ADGB: variants seen among roughly 807,000 people sequenced by gnomAD.
ADGB encodes the protein androglobin, also known as calpain-7-like protein.
A neutral mutation model predicts 210.5 loss-of-function variants in ADGB; 172 were observed. The ratio of observed to expected loss-of-function variants is 0.82; its 90% CI spans 0.72 to 0.93. The LOEUF is 0.93. ADGB is among the 40% of genes least tolerant of loss of function. The pLI is 0.00. For missense variants in ADGB, 2,025 were observed against 1,964.8 expected (o/e 1.03, Z -0.58); for synonymous variants, 658 against 662.7 (o/e 0.99, Z 0.11).
At chr6:146,617,197 C>G (rs1020899883) in intron 1 of ADGB, among the ~76,000 whole-genome samples, 2 of 151,648 alleles carry the variant, frequency 1.3e-5, no homozygotes, top group Non-Finnish European at 2.9e-5. Flanking sequence ...ATTTTATTGT[C>G]TTTTAGCTAT....
At position 146,696,970 on chromosome 6, in the gene ADGB, G is replaced by T. The variant is rs796881931; in HGVS notation, c.1578-3971G>T. Among the ~76,000 whole-genome samples the T allele has an allele frequency of 5.3e-5, 8 of 152,212 alleles. No homozygotes were observed. In the East Asian group the frequency reaches 7.7e-4, roughly 15 times the overall value. ...ACCTACTTTAATCATTAGCACTGATGAATATTTTCGGTTATTACCAGCTAA... is the reference window on the plus strand; with the variant it reads ...ACCTACTTTAATCATTAGCACTGATTAATATTTTCGGTTATTACCAGCTAA... On this transcript the variant is annotated intron_variant, in intron 12 of 35. Transcript: ENST00000397944.
chr6:146,623,294 T>C (rs1273968535), intron 1 of ADGB, among the ~76,000 whole-genome samples: 2 of 152,008 alleles, frequency 1.3e-5, no homozygotes, highest in Non-Finnish European at 2.9e-5. Flanking sequence ...CTTAACTATA[T>C]TGAATCTTTC....
At chr6:146,807,179 C>A (rs376732452) in intron 35 of ADGB, among the ~76,000 whole-genome samples, 92 of 152,280 alleles carry the variant, frequency 6.0e-4, no homozygotes, top group African/African-American at 1.3e-3. Context: ...TTTTCTACAA[C>A]TGTTTTTATT....
At chr6:146,814,847 G>T (rs879263076) in intron 35 of ADGB, among the ~76,000 whole-genome samples, 185 bp from the exon 36 acceptor site, 2 of 152,142 alleles carry the variant, frequency 1.3e-5, no homozygotes, top group African/African-American at 2.4e-5. Context: ...AAAATCTCAT[G>T]ATTTTGTCGC....
chr6:146,709,734 A>G (rs1776633128), intron 13 of ADGB, among the ~76,000 whole-genome samples: 1 of 152,162 alleles, frequency 6.6e-6, no homozygotes, highest in African/African-American at 2.4e-5. Context: ...GGACCAAGGC[A>G]AACTCCAGTT....
At chr6:146,755,255 C>T (rs1777389138) in intron 27 of ADGB, among the ~76,000 whole-genome samples, 1 of 152,012 alleles carries the variant, frequency 6.6e-6, no homozygotes, top group East Asian at 1.9e-4. Flanking sequence ...TGCTGTGAGT[C>T]TTTCTCCTGT....
chr6:146,650,978 G>A (rs1457829865), intron 3 of ADGB, among the ~76,000 whole-genome samples: 2 of 152,238 alleles, frequency 1.3e-5, no homozygotes, highest in African/African-American at 4.8e-5. Flanking sequence ...TAGACAGCTA[G>A]AGAAACCAGA....
intron 10 of ADGB, among the ~76,000 whole-genome samples, chr6:146,687,517 C>G (rs1031062504): frequency 1.3e-5 from 2 of 152,052 alleles, no homozygotes; most frequent in African/African-American, 4.8e-5. Flanking sequence ...AGCCGCAAGC[C>G]ATTATCCTCA....
At chr6:146,699,205 C>T (rs1487726839) in intron 12 of ADGB, among the ~76,000 whole-genome samples, 2 of 152,012 alleles carry the variant, frequency 1.3e-5, no homozygotes, top group East Asian at 3.9e-4. Flanking sequence ...GTTATGGAAG[C>T]TGAGAAGACT....
chr6:146,728,530 A>G (rs529821868), intron 19 of ADGB, 44 bp from the exon 20 acceptor site: 1 of 1,527,588 alleles, frequency 6.5e-7, no homozygotes, highest in African/African-American at 1.4e-5. Context: ...ACTAGATGAC[A>G]CTTAAGGATG....
chr6:146,660,068 A>G (rs555344940), intron 5 of ADGB, among the ~76,000 whole-genome samples: 11 of 152,248 alleles, frequency 7.2e-5, no homozygotes, highest in Admixed American at 7.2e-4. Flanking sequence ...ATTTTGTGGT[A>G]CAGAAACCCC....
At chr6:146,678,934 T>A (rs893466928) in intron 9 of ADGB, among the ~76,000 whole-genome samples, 3 of 152,216 alleles carry the variant, frequency 2.0e-5, no homozygotes, top group Non-Finnish European at 4.4e-5. Context: ...CAGGAAGTTA[T>A]TTTCTAAATG....
chr6:146,767,378 AC>A (rs1777591746), intron 28 of ADGB, among the ~76,000 whole-genome samples: 1 of 152,242 alleles, frequency 6.6e-6, no homozygotes, highest in African/African-American at 2.4e-5. Context: ...ATTGCCAAAG[AC>A]ATTAATAGTA....
chr6:146,737,621 G>A (rs1177678637), intron 23 of ADGB, among the ~76,000 whole-genome samples: 2 of 152,162 alleles, frequency 1.3e-5, no homozygotes, highest in Non-Finnish European at 2.9e-5. Flanking sequence ...TTTGCCTAAA[G>A]TTTTAATTGT....
intron 4 of ADGB, among the ~76,000 whole-genome samples, chr6:146,655,414 C>A (rs533214929): frequency 6.6e-6 from 1 of 152,230 alleles, no homozygotes; most frequent in African/African-American, 2.4e-5. Context: ...ATCTCCCCAC[C>A]TCCTACTCCC....
At chr6:146,782,951 A>G (rs2114644992) in intron 30 of ADGB, among the ~76,000 whole-genome samples, 1 of 152,334 alleles carries the variant, frequency 6.6e-6, no homozygotes, top group East Asian at 1.9e-4. Flanking sequence ...GCAGGACTGG[A>G]ACTAGGGGTA....
At chr6:146,789,854 G>A (rs111643382) in intron 33 of ADGB, among the ~76,000 whole-genome samples, 50 of 152,280 alleles carry the variant, frequency 3.3e-4, no homozygotes, top group African/African-American at 1.1e-3. Flanking sequence ...AACTGATGCA[G>A]TTTGGCTAGA....
Position 146,811,456 on chromosome 6 carries a change from T to A in ADGB, c.4819-3576T>A, listed in dbSNP as rs1243086301. Among the ~76,000 whole-genome samples the A allele has an allele frequency of 2.0e-5, 3 of 151,804 alleles. No homozygotes were observed. The East Asian group carries it at 5.8e-4, about 29-fold the overall frequency. On this transcript the variant is annotated intron_variant, in intron 35 of 35. Transcript: ENST00000397944. ...CTTTGTGTGTTTATATATATATATATTCAGGATATTCAGGTAGTGTGTGTA... is the reference window on the plus strand; with the variant it reads ...CTTTGTGTGTTTATATATATATATAATCAGGATATTCAGGTAGTGTGTGTA...
At chr6:146,676,173 GT>G in intron 8 of ADGB, 139 bp from the exon 9 acceptor site, 1 of 739,256 alleles carries the variant, frequency 1.4e-6, no homozygotes, top group Non-Finnish European at 2.0e-6. Flanking sequence ...AGGGGATCAT[GT>G]TTTGGAGAAA....
Sources: allele counts gnomAD v4.1 joint callset (sites outside exome capture counted in the v4.1 genomes callset), GRCh38; gene constraint gnomAD v4.1.1; transcripts MANE v1.5; gene names NCBI Gene and HGNC (gene_info 2026-07-23, HGNC 2026-07-21).